The following FBXL2 variants were observed in gnomAD, a reference collection of about 807,000 sequenced individuals.
FBXL2 encodes the protein F-box and leucine rich repeat protein 2.
Under a neutral mutation model 69.2 loss-of-function variants are expected in FBXL2, and 38 were observed. The observed-to-expected ratio is 0.55, with a 90% CI of 0.42 to 0.72. The LOEUF (loss-of-function observed/expected upper bound fraction) is 0.72. FBXL2 is among the 30% of genes least tolerant of loss of function. The pLI is 0.00. For synonymous variants in FBXL2, 192 were observed against 201.3 expected (o/e 0.95, Z 0.39); for missense variants, 354 against 520.3 (o/e 0.68, Z 3.11).
At chr3:33,317,389 G>A (rs2037800815) in intron 2 of FBXL2, 2 of 449,928 alleles carry the variant, frequency 4.4e-6, no homozygotes, top group Non-Finnish European at 9.0e-6. Flanking sequence ...GTCTGTGGGT[G>A]ATATGCATTC....
At chr3:33,278,769 T>C (rs1438616930) in intron 1 of FBXL2, among the ~76,000 whole-genome samples, 11 of 152,250 alleles carry the variant, frequency 7.2e-5, no homozygotes, top group Non-Finnish European at 1.6e-4. Flanking sequence ...TGCGAATTGC[T>C]TTTTAAGTGA....
At chr3:33,395,341 T>TA (rs2043932721) in intron 12 of FBXL2, among the ~76,000 whole-genome samples, 1 of 151,860 alleles carries the variant, frequency 6.6e-6, no homozygotes, top group South Asian at 2.1e-4. Flanking sequence ...TTTTTTTTTT[T>TA]AAAGTTCTGA....
chr3:33,412,975 C>T, the FBXL2 span: 2 of 496,674 alleles, frequency 4.0e-6, no homozygotes, highest in Non-Finnish European at 7.3e-6. Context: ...CTCTTTTGCC[C>T]TTGGATACCT....
At chr3:33,373,504 TACTAA>T in intron 7 of FBXL2, 69 bp from the exon 8 acceptor site, 1 of 1,604,566 alleles carries the variant, frequency 6.2e-7, no homozygotes, top group Non-Finnish European at 8.5e-7. Context: ...TCTTGTGATG[TACTAA>T]ACTCAGAGTT....
chr3:33,399,250 C>T (rs1282701494), intron 12 of FBXL2, among the ~76,000 whole-genome samples: 2 of 152,156 alleles, frequency 1.3e-5, no homozygotes, highest in Non-Finnish European at 2.9e-5. Context: ...GGAAAAGAGT[C>T]CCAGAGCCAA....
chr3:33,341,355 A>G (rs1226716380), intron 2 of FBXL2, among the ~76,000 whole-genome samples: 1 of 152,188 alleles, frequency 6.6e-6, no homozygotes, highest in Non-Finnish European at 1.5e-5. Context: ...TGGGGGAGAA[A>G]GAAGGGATGG....
At chr3:33,416,698 A>T in the FBXL2 span, 8 of 1,295,828 alleles carry the variant, frequency 6.2e-6, no homozygotes, top group Non-Finnish European at 8.6e-6. Flanking sequence ...ATTTTTTTTT[A>T]AACAAAAACT....
intron 11 of FBXL2, among the ~76,000 whole-genome samples, chr3:33,377,697 C>T (rs1205685953): frequency 2.0e-5 from 3 of 152,134 alleles, no homozygotes; most frequent in Non-Finnish European, 4.4e-5. Context: ...GGACCTGCTG[C>T]CAGGAACCCA....
At chr3:33,287,191 T>G (rs2034726907) in intron 1 of FBXL2, among the ~76,000 whole-genome samples, 1 of 152,184 alleles carries the variant, frequency 6.6e-6, no homozygotes, top group Non-Finnish European at 1.5e-5. Context: ...ACTCAAGGTT[T>G]ACAGACAGTT....
At chr3:33,396,035 G>T in intron 12 of FBXL2, 2 of 764,296 alleles carry the variant, frequency 2.6e-6, no homozygotes. Flanking sequence ...TGCTGTCAAG[G>T]CTCCCACATG....
rs1370231539 is a variant in FBXL2 at position 33,387,430 on chromosome 3, C to CATCT, written c.*1823_*1826dup. On this transcript the variant is annotated 3_prime_UTR_variant, in exon 15 of 15. Transcript: ENST00000484457. ...CAGCCTGGCCAACACAGTAAAACCC[C>CATCT]ATCTCTACTGAAAATACAAAAATTA... The CATCT allele has an allele frequency of 6.6e-6, 1 of 152,114 alleles. No homozygotes were observed. Among genetic ancestry groups the CATCT allele is most frequent in the Non-Finnish European group, 1.5e-5 (1 of 68,078 alleles). The allele number at this position is 152,114 out of a possible 1,614,324, so 9.4% of individuals were successfully genotyped here. A position where few individuals can be genotyped will look rare whatever the true frequency, so the allele number is the denominator to read the frequency against.
intron 2 of FBXL2, among the ~76,000 whole-genome samples, chr3:33,350,988 G>A (rs952052448): frequency 2.0e-5 from 3 of 151,638 alleles, no homozygotes; most frequent in Non-Finnish European, 2.9e-5. Context: ...CTCCTGGGCC[G>A]GGCGTGGTAG....
intron 13 of FBXL2, chr3:33,383,561 T>C (rs2043202367): frequency 4.5e-6 from 1 of 220,360 alleles, no homozygotes; most frequent in South Asian, 7.6e-5. Context: ...ACAAGGACAT[T>C]AGATGCATTG....
At chr3:33,302,399 T>C (rs951098652) in intron 2 of FBXL2, among the ~76,000 whole-genome samples, 72 of 152,356 alleles carry the variant, frequency 4.7e-4, no homozygotes, top group African/African-American at 1.6e-3. Context: ...GAGGGAACTC[T>C]TCCCTTTTTG....
the FBXL2 span, chr3:33,411,451 T>C: frequency 1.4e-6 from 1 of 720,014 alleles, no homozygotes; most frequent in Non-Finnish European, 2.3e-6. Flanking sequence ...CCTAACTATG[T>C]ATATAGAAAG....
chr3:33,408,737 G>C, the FBXL2 span: 1 of 1,613,862 alleles, frequency 6.2e-7, no homozygotes, highest in Non-Finnish European at 8.5e-7. Flanking sequence ...GGCAAAGTCC[G>C]CTTGCTGGAC....
chr3:33,417,406 T>A, the FBXL2 span, among the ~76,000 whole-genome samples: 1 of 152,192 alleles, frequency 6.6e-6, no homozygotes, highest in Admixed American at 6.5e-5. Flanking sequence ...ATTTGTGCCT[T>A]GCTTTTTAAA....
chr3:33,405,528 T>C (rs1196711184), downstream of FBXL2, among the ~76,000 whole-genome samples: 2 of 152,204 alleles, frequency 1.3e-5, no homozygotes, highest in Non-Finnish European at 2.9e-5. Context: ...TATATCCTTT[T>C]TCAAAATTCT....
chr3:33,384,832 G>T (rs1349469858), intron 14 of FBXL2, among the ~76,000 whole-genome samples: 1 of 151,930 alleles, frequency 6.6e-6, no homozygotes, highest in Non-Finnish European at 1.5e-5. Flanking sequence ...CAAGGTCAAG[G>T]GTTCGAGACC....
Sources: gnomAD v4.1 joint callset for allele counts (sites outside exome capture counted in the v4.1 genomes callset) on GRCh38, gnomAD v4.1.1 for gene constraint, MANE v1.5 for transcripts, NCBI Gene and HGNC (gene_info 2026-07-23, HGNC 2026-07-21) for gene names.